The following OXSR1 variants were observed in gnomAD, a reference collection of about 807,000 sequenced individuals.
OXSR1 encodes the protein serine/threonine-protein kinase OSR1.
Under a neutral mutation model 79.8 loss-of-function variants are expected in OXSR1, and 24 were observed. The observed-to-expected ratio is 0.30, with a 90% CI of 0.22 to 0.42. The LOEUF (loss-of-function observed/expected upper bound fraction) is 0.42, where lower values mean the gene tolerates loss of function less well. Among genes scored for constraint, OXSR1 ranks in the 10% least tolerant of loss-of-function variants. The probability of loss-of-function intolerance (pLI) is 1.00; values close to 1 mark genes in which losing one functional copy is unlikely to be tolerated. For missense variants in OXSR1, 430 were observed against 618.4 expected, an observed-to-expected ratio of 0.70 and a Z score of 3.23; for synonymous variants, 226 against 209.2, an observed-to-expected ratio of 1.08 and a Z score of -0.69.
chr3:38,202,533 C>T (rs1702183443), intron 4 of OXSR1, among the ~76,000 whole-genome samples: 1 of 152,080 alleles, frequency 6.6e-6, no homozygotes, highest in South Asian at 2.1e-4. Flanking sequence ...GCATGTGCCA[C>T]CATGCCTGGT....
chr3:38,186,483 A>G (rs765508906), intron 2 of OXSR1, among the ~76,000 whole-genome samples: 1 of 152,200 alleles, frequency 6.6e-6, no homozygotes, highest in Non-Finnish European at 1.5e-5. Flanking sequence ...TCCTCCCCTC[A>G]GCCCTAGGCA....
In OXSR1 at chr3:38,165,899, T is replaced by A; in HGVS notation, c.23T>A (p.Leu8Gln). Residue 8 changes from leucine to glutamine, a missense_variant, in exon 1 of 18, where the codon CTG (leucine) becomes CAG (glutamine). This residue lies in a region of OXSR1 where 145 missense variants were observed against 228.3 expected (regional missense o/e 0.64). Transcript: ENST00000311806. Reference protein sequence around the residue: MSEDSSALPWSINRDDYE... With the variant: MSEDSSAQPWSINRDDYE... ...GTCATGTCCGAGGACTCGAGCGCCCTGCCCTGGTCCATCAACAGGGACGAT... is the reference window on the plus strand; with the variant it reads ...GTCATGTCCGAGGACTCGAGCGCCCAGCCCTGGTCCATCAACAGGGACGAT... The A allele has an allele frequency of 6.2e-7, 1 of 1,611,612 alleles. No homozygotes were observed. Among genetic ancestry groups the A allele is most frequent in the Non-Finnish European group, 8.5e-7 (1 of 1,179,546 alleles).
intron 12 of OXSR1, among the ~76,000 whole-genome samples, chr3:38,244,634 C>CCT (rs1343523931): frequency 1.3e-4 from 3 of 23,812 alleles, no homozygotes; most frequent in Non-Finnish European, 1.8e-4. Context: ...CAGTAATATT[C>CCT]CTCTGTGTGT....
intron 5 of OXSR1, among the ~76,000 whole-genome samples, chr3:38,219,512 A>G (rs1425032311): frequency 6.6e-6 from 1 of 152,116 alleles, no homozygotes; most frequent in East Asian, 1.9e-4. Context: ...GGACTGTTCT[A>G]AGTATATTAT....
intron 4 of OXSR1, among the ~76,000 whole-genome samples, chr3:38,212,913 T>C (rs1702414928): frequency 6.6e-6 from 1 of 152,218 alleles, no homozygotes; most frequent in African/African-American, 2.4e-5. Context: ...GTTGTCCTGT[T>C]TGAGGGCAGA....
At chr3:38,240,367 A>G (rs187899829) in intron 11 of OXSR1, among the ~76,000 whole-genome samples, 1 of 152,300 alleles carries the variant, frequency 6.6e-6, no homozygotes, top group East Asian at 1.9e-4. Context: ...GGAACAGGGC[A>G]AAGTGAGAAA....
chr3:38,193,160 T>C, intron 3 of OXSR1: 1 of 585,970 alleles, frequency 1.7e-6, no homozygotes, highest in Non-Finnish European at 2.8e-6. Flanking sequence ...ATGTAAATCA[T>C]CCACCACTGT....
rs768891181 is a variant in OXSR1, at chr3:38,236,952, A to G, written c.1065A>G (p.Ser355=). 8.1e-6 allele frequency: 13 copies of G among 1,611,818 alleles called. No homozygotes were observed. Among genetic ancestry groups the G allele is most frequent in the Admixed American group, 3.3e-5 (2 of 59,898 alleles). ...EESEEGKAAI[S]QLRSPRVKES... Reference sequence around the variant, plus strand: ...GTGAGGAAGGGAAAGCAGCAATTTCACAACTCAGGGTAAATTTTATTAAAC... The same window carrying G: ...GTGAGGAAGGGAAAGCAGCAATTTCGCAACTCAGGGTAAATTTTATTAAAC... The change falls in exon 11 of 18, where the codon TCA becomes TCG. Residue 355 remains serine, a synonymous_variant. Transcript: ENST00000311806.
At chr3:38,216,938 G>A (rs998127335) in intron 5 of OXSR1, among the ~76,000 whole-genome samples, 2 of 152,152 alleles carry the variant, frequency 1.3e-5, no homozygotes, top group Non-Finnish European at 2.9e-5. Context: ...TTTAAAATGA[G>A]CAACTTCTAC....
chr3:38,225,954 A>T (rs1389932924), intron 8 of OXSR1, among the ~76,000 whole-genome samples: 2 of 152,134 alleles, frequency 1.3e-5, no homozygotes, highest in Non-Finnish European at 2.9e-5. Flanking sequence ...CAAGAATAAA[A>T]ATTGTCATCA....
intron 1 of OXSR1, among the ~76,000 whole-genome samples, chr3:38,182,191 T>C (rs1326566476): frequency 1.3e-5 from 2 of 152,232 alleles, no homozygotes; most frequent in African/African-American, 2.4e-5. Flanking sequence ...CCTCTAGAAC[T>C]CCCGTTCTAT....
intron 13 of OXSR1, among the ~76,000 whole-genome samples, chr3:38,246,995 A>G (rs996249842): frequency 1.3e-5 from 2 of 151,644 alleles, no homozygotes; most frequent in African/African-American, 4.8e-5. Context: ...CCAGTAGATC[A>G]TCTCGTGTTC....
At chr3:38,199,161 G>A (rs1230410851) in intron 4 of OXSR1, among the ~76,000 whole-genome samples, 1 of 151,874 alleles carries the variant, frequency 6.6e-6, no homozygotes, top group Admixed American at 6.6e-5. Context: ...AAACAATACT[G>A]TATATGTAAT....
intron 2 of OXSR1, 126 bp downstream of exon 2, chr3:38,183,241 A>T: frequency 2.2e-6 from 1 of 449,536 alleles, no homozygotes; most frequent in Non-Finnish European, 3.9e-6. Context: ...ATTAATAAAT[A>T]ATATTCATTG....
intron 4 of OXSR1, among the ~76,000 whole-genome samples, chr3:38,210,638 ATTTAAGTT>A (rs550019850): frequency 1.3e-5 from 2 of 152,144 alleles, no homozygotes; most frequent in South Asian, 4.2e-4. Context: ...GTCAACTACA[ATTTAAGTT>A]TTTATACCCC....
intron 4 of OXSR1, among the ~76,000 whole-genome samples, chr3:38,214,242 A>AAAC (rs1702441745): frequency 6.6e-6 from 1 of 151,724 alleles, no homozygotes; most frequent in Admixed American, 6.6e-5. Context: ...AATAGTTGTT[A>AAAC]AAAATTTAAA....
rs370066941 is a variant in OXSR1 at position 38,166,488 on chromosome 3, A to T, written c.70+542A>T. On this transcript the variant is annotated intron_variant, in intron 1 of 17. Coordinates refer to ENST00000311806, the MANE Select transcript of OXSR1 (RefSeq NM_005109.3). ...CAGTCGGGGAGGTAGACATTAAATA[A>T]GAAGACAAAAAGAAGTAAGAAGGGC... Among the ~76,000 whole-genome samples, 4 of 152,040 alleles carry T rather than the reference A, an allele frequency of 2.6e-5. No homozygotes were observed. The East Asian group carries it at 7.7e-4, about 29-fold the overall frequency.
In OXSR1 at chr3:38,165,541, C is replaced by T. The variant is rs530439673; in HGVS notation, c.-336C>T. On this transcript the variant is annotated 5_prime_UTR_variant, in exon 1 of 18. Coordinates refer to ENST00000311806, the MANE Select transcript of OXSR1 (RefSeq NM_005109.3). ...TGGAGGAAGAGGGGAAAGTTTGGCCCGTGCGTGGGGCTGGGGTGGAGGGCG... is the reference window on the plus strand; with the variant it reads ...TGGAGGAAGAGGGGAAAGTTTGGCCTGTGCGTGGGGCTGGGGTGGAGGGCG... 32 of 293,816 alleles carry T rather than the reference C, an allele frequency of 1.1e-4. 1 individual carries two copies. The South Asian group carries it at 1.6e-3, about 15-fold the overall frequency. The allele number at this position is 293,816 out of a possible 1,614,324, so 18.2% of individuals were successfully genotyped here.
At chr3:38,241,802 TG>T (rs1055748675) in intron 11 of OXSR1, among the ~76,000 whole-genome samples, 2 of 151,790 alleles carry the variant, frequency 1.3e-5, no homozygotes, top group Admixed American at 6.6e-5. Flanking sequence ...CAAAGTTGTT[TG>T]TTTTTTTTTT....
Sources: allele counts gnomAD v4.1 joint callset (sites outside exome capture counted in the v4.1 genomes callset), GRCh38; gene constraint gnomAD v4.1.1; regional missense constraint gnomAD v4.1.1; transcripts MANE v1.5; gene names NCBI Gene and HGNC (gene_info 2026-07-23, HGNC 2026-07-21).